SUPT3H: variants seen among roughly 807,000 people sequenced by gnomAD.
The protein encoded by SUPT3H is transcription initiation protein SPT3 homolog.
In SUPT3H, 44 loss-of-function variants were observed where a neutral mutation model predicts 44.3. The observed-to-expected ratio is 0.99, with a 90% CI of 0.78 to 1.28. The LOEUF is 1.28. Among genes scored for constraint, SUPT3H ranks in the 50% most tolerant of loss-of-function variants. The pLI is 0.00. For synonymous variants in SUPT3H, 124 were observed against 125.6 expected, an observed-to-expected ratio of 0.99 and a Z score of 0.09; for missense variants, 380 against 387.1, an observed-to-expected ratio of 0.98 and a Z score of 0.15.
intron 10 of SUPT3H, among the ~76,000 whole-genome samples, chr6:44,867,041 C>T (rs922993656): frequency 2.0e-5 from 3 of 152,100 alleles, no homozygotes; most frequent in South Asian, 4.1e-4. Flanking sequence ...CTGAAGAAAA[C>T]TATTTCTTAA....
chr6:45,168,758 A>G (rs1032933888), intron 2 of SUPT3H, among the ~76,000 whole-genome samples: 3 of 152,204 alleles, frequency 2.0e-5, no homozygotes, highest in African/African-American at 4.8e-5. Context: ...AATGGGAGGT[A>G]AGTATACACG....
chr6:44,911,154 C>T (rs1766980440), intron 10 of SUPT3H, among the ~76,000 whole-genome samples: 1 of 151,914 alleles, frequency 6.6e-6, no homozygotes, highest in Admixed American at 6.6e-5. Flanking sequence ...CTATTGATAG[C>T]ACAATTCAAA....
chr6:44,939,235 A>C (rs930847727), intron 9 of SUPT3H, among the ~76,000 whole-genome samples: 22 of 152,206 alleles, frequency 1.4e-4, no homozygotes, highest in African/African-American at 5.3e-4. Context: ...ACTGTGAGGT[A>C]TATTCCTTTT....
chr6:45,323,332 A>C (rs1317568962), intron 2 of SUPT3H, among the ~76,000 whole-genome samples: 1 of 151,944 alleles, frequency 6.6e-6, no homozygotes, highest in Non-Finnish European at 1.5e-5. Flanking sequence ...ACAGTGGATT[A>C]AGATTTATAA....
At chr6:45,115,087 C>T (rs761094419) in intron 2 of SUPT3H, among the ~76,000 whole-genome samples, 4 of 152,096 alleles carry the variant, frequency 2.6e-5, no homozygotes, top group African/African-American at 9.7e-5. Context: ...ACTGTAATCA[C>T]AATAACACCT....
intron 3 of SUPT3H, among the ~76,000 whole-genome samples, chr6:45,057,757 C>T (rs533606159): frequency 6.6e-6 from 1 of 152,234 alleles, no homozygotes; most frequent in African/African-American, 2.4e-5. Flanking sequence ...GAGGCAGTTA[C>T]TTTGAAAACC....
At chr6:45,275,897 C>T (rs1440749521) in intron 2 of SUPT3H, among the ~76,000 whole-genome samples, 1 of 152,058 alleles carries the variant, frequency 6.6e-6, no homozygotes, top group East Asian at 1.9e-4. Context: ...AAGAAACACA[C>T]ACTGAAAAGT....
chr6:45,118,956 C>T (rs1801218723), intron 2 of SUPT3H, among the ~76,000 whole-genome samples: 2 of 152,140 alleles, frequency 1.3e-5, no homozygotes, highest in Admixed American at 1.3e-4. Context: ...GGCTAATCTG[C>T]TGGAAAATTA....
chr6:44,966,432 T>A (rs1384925493), intron 6 of SUPT3H, among the ~76,000 whole-genome samples: 1 of 150,606 alleles, frequency 6.6e-6, no homozygotes, highest in African/African-American at 2.4e-5. Flanking sequence ...TTTATTTACA[T>A]ATTTAAAATA....
chr6:45,264,926 C>T (rs1021171377), intron 2 of SUPT3H, among the ~76,000 whole-genome samples: 1 of 151,734 alleles, frequency 6.6e-6, no homozygotes, highest in African/African-American at 2.4e-5. Context: ...AAAACATATC[C>T]GAACAAATGT....
chr6:45,207,097 G>C (rs570951070), intron 2 of SUPT3H, among the ~76,000 whole-genome samples: 1 of 152,124 alleles, frequency 6.6e-6, no homozygotes, highest in African/African-American at 2.4e-5. Flanking sequence ...ACAATCCATT[G>C]TTCAGAGATC....
intron 10 of SUPT3H, among the ~76,000 whole-genome samples, chr6:44,871,164 C>T (rs1582111275): frequency 6.7e-6 from 1 of 150,036 alleles, no homozygotes; most frequent in Admixed American, 6.6e-5. Flanking sequence ...AGGAGGCCTG[C>T]CTGCCTATGT....
At chr6:44,870,727 T>A (rs1181991232) in intron 10 of SUPT3H, among the ~76,000 whole-genome samples, 2 of 150,882 alleles carry the variant, frequency 1.3e-5, no homozygotes, top group African/African-American at 4.9e-5. Flanking sequence ...TGCATTTCCA[T>A]CTGAGGTACC....
In SUPT3H at chr6:44,846,833, C is replaced by G. The variant is rs184046567; in HGVS notation, c.913-16976G>C. 7.2e-5 allele frequency among the ~76,000 whole-genome samples: 11 copies of G among 152,162 alleles called. No individual in the cohort carries two copies. The East Asian group carries it at 1.9e-3, about 27-fold the overall frequency. On this transcript the variant is annotated intron_variant, in intron 10 of 10. Coordinates refer to ENST00000371459, the MANE Select transcript of SUPT3H (RefSeq NM_003599.4). ...TTTTGGTAGAGACGGGGTTTCTCTG[C>G]TGGACAGGCTGGTCTCAAACTCTTG...
chr6:45,158,313 T>G (rs1319723644), intron 2 of SUPT3H, among the ~76,000 whole-genome samples: 1 of 126,732 alleles, frequency 7.9e-6, no homozygotes, highest in African/African-American at 2.9e-5. Flanking sequence ...TTTTTTTTTT[T>G]TTTTGAGATG....
At chr6:45,173,927 C>T (rs1811250108) in intron 2 of SUPT3H, among the ~76,000 whole-genome samples, 1 of 152,194 alleles carries the variant, frequency 6.6e-6, no homozygotes, top group South Asian at 2.1e-4. Flanking sequence ...TCTACTCACA[C>T]CACTGCCCTC....
chr6:45,175,463 A>G (rs1748237), intron 2 of SUPT3H, among the ~76,000 whole-genome samples: 93,264 of 151,938 alleles, frequency 0.61, 29,145 homozygotes, highest in African/African-American at 0.74. Context: ...CCATGATTCA[A>G]TTACCTCCAC....
At chr6:45,096,951 G>A (rs1797868457) in intron 3 of SUPT3H, among the ~76,000 whole-genome samples, 1 of 152,086 alleles carries the variant, frequency 6.6e-6, no homozygotes, top group Non-Finnish European at 1.5e-5. Flanking sequence ...ATAAAATTTT[G>A]AGGAGCTGAA....
intron 3 of SUPT3H, among the ~76,000 whole-genome samples, chr6:45,103,662 A>G (rs1798893565): frequency 6.6e-6 from 1 of 152,180 alleles, no homozygotes; most frequent in Non-Finnish European, 1.5e-5. Context: ...AAGTTTGGAG[A>G]AACACTAAAG....
Sources: gnomAD v4.1 joint callset for allele counts (sites outside exome capture counted in the v4.1 genomes callset) on GRCh38, gnomAD v4.1.1 for gene constraint, MANE v1.5 for transcripts, NCBI Gene and HGNC (gene_info 2026-07-23, HGNC 2026-07-21) for gene names.